The following SMYD4 variants were observed in gnomAD, a reference collection of about 807,000 sequenced individuals.
SMYD4 encodes the protein protein-lysine N-methyltransferase SMYD4.
In SMYD4, 68 loss-of-function variants were observed where a neutral mutation model predicts 72.8. The ratio of observed to expected loss-of-function variants is 0.93; its 90% CI spans 0.77 to 1.14. The LOEUF is 1.14. Among genes scored for constraint, SMYD4 ranks in the 50% most tolerant of loss-of-function variants. The pLI, the probability that SMYD4 is intolerant of heterozygous loss-of-function variation, is 0.00. For synonymous variants in SMYD4, 407 were observed against 388.6 expected, an observed-to-expected ratio of 1.05 and a Z score of -0.56; for missense variants, 984 against 1,003.7, an observed-to-expected ratio of 0.98 and a Z score of 0.27.
intron 5 of SMYD4, among the ~76,000 whole-genome samples, chr17:1,795,434 T>G (rs202075308): frequency 2.3e-5 from 3 of 132,398 alleles, no homozygotes; most frequent in African/African-American, 8.9e-5. Flanking sequence ...TATCTATCTA[T>G]CTATCTATCT....
At chr17:1,793,748 T>TGA (rs1399754693) in intron 5 of SMYD4, among the ~76,000 whole-genome samples, 1 of 151,722 alleles carries the variant, frequency 6.6e-6, no homozygotes, top group African/African-American at 2.4e-5. Flanking sequence ...GCTCTGAGGC[T>TGA]TATCCAGTCT....
At chr17:1,794,096 TA>T (rs1909248287) in intron 5 of SMYD4, among the ~76,000 whole-genome samples, 2 of 22,286 alleles carry the variant, frequency 9.0e-5, no homozygotes, top group African/African-American at 3.0e-4. Flanking sequence ...TATATATATA[TA>T]TATATATATT....
chr17:1,794,873 C>T (rs1909305908), intron 5 of SMYD4, among the ~76,000 whole-genome samples: 1 of 151,968 alleles, frequency 6.6e-6, no homozygotes, highest in Non-Finnish European at 1.5e-5. Flanking sequence ...TCAAAGTTTT[C>T]AGTCTTTCCA....
intron 2 of SMYD4, among the ~76,000 whole-genome samples, chr17:1,815,786 G>C (rs562269016): frequency 1.3e-5 from 2 of 148,466 alleles, no homozygotes; most frequent in East Asian, 4.0e-4. Context: ...TGCAATCTCC[G>C]CCTCCCGGGT....
intron 2 of SMYD4, 104 bp from the exon 3 acceptor site, chr17:1,812,219 C>A: frequency 8.0e-7 from 1 of 1,257,358 alleles, no homozygotes; most frequent in Non-Finnish European, 1.1e-6. Flanking sequence ...CAAAACATTT[C>A]ACACACATGA....
intron 5 of SMYD4, among the ~76,000 whole-genome samples, chr17:1,793,757 C>G (rs1370029412): frequency 6.6e-6 from 1 of 151,512 alleles, no homozygotes; most frequent in African/African-American, 2.4e-5. Flanking sequence ...CTTATCCAGT[C>G]TCATCATGTC....
intron 2 of SMYD4, among the ~76,000 whole-genome samples, chr17:1,818,133 G>T (rs911642475): frequency 6.6e-6 from 1 of 151,440 alleles, no homozygotes; most frequent in East Asian, 1.9e-4. Flanking sequence ...TGTATATGAA[G>T]GCACAACTTC....
intron 5 of SMYD4, among the ~76,000 whole-genome samples, chr17:1,795,036 A>G (rs1909316086): frequency 6.6e-6 from 1 of 152,204 alleles, no homozygotes; most frequent in Non-Finnish European, 1.5e-5. Flanking sequence ...TGGTTTATCC[A>G]GGGTTTCTAC....
At chr17:1,829,063 C>G (rs911743702) in intron 1 of SMYD4, among the ~76,000 whole-genome samples, 1 of 152,136 alleles carries the variant, frequency 6.6e-6, no homozygotes, top group African/African-American at 2.4e-5. Context: ...AATTAATGTC[C>G]ATGCCATTGG....
Position 1,800,278 on chromosome 17 carries a change from A to T in SMYD4, c.1116T>A (p.Asp372Glu). ...DVRKIITKLC[D>E]KISNKDICLP... The stretch of plus-strand genomic sequence containing the variant: ...AACAGATGTCCTTGTTACTAATCTT[A>T]TCACAAAGCTTCGTTATGATTTTGC... The change falls in exon 5 of 11, where the codon GAT becomes GAA. Residue 372 changes from aspartate (D) to glutamate (E), a missense_variant. Asp to Glu is a conservative substitution (Grantham distance 45). Coordinates refer to ENST00000305513, the MANE Select transcript of SMYD4 (RefSeq NM_052928.3). 1 of 1,614,118 alleles carries T rather than the reference A, an allele frequency of 6.2e-7. No individual in the cohort carries two copies. Among genetic ancestry groups the T allele is most frequent in the Non-Finnish European group, 8.5e-7 (1 of 1,180,034 alleles).
At chr17:1,790,734 C>G (rs112215431) in intron 5 of SMYD4, among the ~76,000 whole-genome samples, 221 of 152,092 alleles carry the variant, frequency 1.5e-3, no homozygotes, top group African/African-American at 5.0e-3. Flanking sequence ...TCAGGCTAGT[C>G]TCGAACTTCT....
Position 1,800,961 on chromosome 17 carries a change from T to A in SMYD4, c.433A>T (p.Ile145Phe). Residue 145 changes from isoleucine to phenylalanine, a missense_variant, in exon 5 of 11, where the codon ATT becomes TTT. Transcript: ENST00000305513. ...HGYPERLQPK[I>F]MLRKAECLVA... ...AGACATTCTGCTTTACGTAACATAA[T>A]CTTGGGTTGCAACCTTTCTGGATAC... The A allele has an allele frequency of 6.2e-7, 1 of 1,614,140 alleles. No individual in the cohort carries two copies. Among genetic ancestry groups the A allele is most frequent in the Non-Finnish European group, 8.5e-7 (1 of 1,179,976 alleles).
chr17:1,822,608 C>T (rs894938568), intron 2 of SMYD4, among the ~76,000 whole-genome samples: 11 of 151,970 alleles, frequency 7.2e-5, no homozygotes, highest in Non-Finnish European at 1.6e-4. Context: ...TACAGGTGCC[C>T]GCCACCATGG....
intron 7 of SMYD4, chr17:1,784,708 G>A: frequency 2.9e-6 from 1 of 344,180 alleles, no homozygotes; most frequent in Non-Finnish European, 4.1e-6. Context: ...CTGGTACAGT[G>A]CACAATTTCT....
At chr17:1,794,100 TA>T (rs1328270569) in intron 5 of SMYD4, among the ~76,000 whole-genome samples, 33 of 22,544 alleles carry the variant, frequency 1.5e-3, no homozygotes, top group African/African-American at 4.8e-3. Context: ...TATATATATA[TA>T]TATATTTTTT....
chr17:1,787,053 G>T, intron 6 of SMYD4, 80 bp from the exon 7 acceptor site: 1 of 1,536,118 alleles, frequency 6.5e-7, no homozygotes. Flanking sequence ...CTTAGCAGAG[G>T]GTCTGGACAA....
Position 1,780,277 on chromosome 17 carries a change from G to C in SMYD4, c.*1009C>G, listed in dbSNP as rs1842750219. The C allele has an allele frequency of 6.6e-6, 1 of 152,166 alleles. No individual in the cohort carries two copies. The highest frequency in any genetic ancestry group is 6.6e-5 in the Admixed American group (1 of 15,260). 9.4% of individuals were successfully genotyped at this position (152,166 alleles called of 1,614,324 possible). On this transcript the variant is annotated 3_prime_UTR_variant, in exon 11 of 11. Coordinates refer to ENST00000305513, the MANE Select transcript of SMYD4 (RefSeq NM_052928.3). ...CTGTCACCCAGGCTGGAGTGCAGTA[G>C]TGCGATCTTGGCTCACTGCAGCCTC...
intron 2 of SMYD4, among the ~76,000 whole-genome samples, chr17:1,825,490 G>C (rs1320211324): frequency 6.7e-6 from 1 of 149,992 alleles, no homozygotes; most frequent in East Asian, 2.0e-4. Flanking sequence ...TTTTTATACA[G>C]CCATATCTGT....
chr17:1,814,775 A>T (rs1197563739), intron 2 of SMYD4: 1 of 152,196 alleles, frequency 6.6e-6, no homozygotes, highest in Non-Finnish European at 1.5e-5. Context: ...GTGAGCTGAG[A>T]TCGCACCATC....
Sources: allele counts gnomAD v4.1 joint callset (sites outside exome capture counted in the v4.1 genomes callset), GRCh38; gene constraint gnomAD v4.1.1; transcripts MANE v1.5; gene names NCBI Gene and HGNC (gene_info 2026-07-23, HGNC 2026-07-21).